The following EIF2AK4 variants were observed in gnomAD, a reference collection of about 807,000 sequenced individuals.
The protein encoded by EIF2AK4 is eukaryotic translation initiation factor 2 alpha kinase 4.
EIF2AK4 carries 139 observed loss-of-function variants against 211.1 expected under a neutral mutation model. The ratio of observed to expected loss-of-function variants is 0.66; its 90% CI spans 0.57 to 0.76. EIF2AK4 has a LOEUF of 0.76. Ranked by LOEUF, EIF2AK4 falls within the 30% of genes least tolerant of loss-of-function variation. The pLI, the probability that EIF2AK4 is intolerant of heterozygous loss-of-function variation, is 0.00. For missense variants in EIF2AK4, 1,664 were observed against 2,043.8 expected (o/e 0.81, Z 3.58); for synonymous variants, 710 against 751.3 (o/e 0.94, Z 0.90).
At chr15:40,031,654 AT>A (rs1405547079) in intron 35 of EIF2AK4, among the ~76,000 whole-genome samples, 42 of 152,296 alleles carry the variant, frequency 2.8e-4, no homozygotes, top group Middle Eastern at 3.4e-3. Context: ...AATGGTCAAG[AT>A]AAGTTATAAA....
chr15:39,936,328 G>A (rs1308783664), intron 1 of EIF2AK4, among the ~76,000 whole-genome samples: 1 of 152,184 alleles, frequency 6.6e-6, no homozygotes, highest in Non-Finnish European at 1.5e-5. Flanking sequence ...ATGGTCTCAA[G>A]GATGAATCAG....
At chr15:39,941,805 A>G (rs1283997338) in intron 2 of EIF2AK4, among the ~76,000 whole-genome samples, 1 of 152,106 alleles carries the variant, frequency 6.6e-6, no homozygotes, top group Non-Finnish European at 1.5e-5. Flanking sequence ...GGTTGTGGCA[A>G]CCAAAAAAAG....
intron 3 of EIF2AK4, among the ~76,000 whole-genome samples, chr15:39,944,848 G>A (rs550733357): frequency 2.3e-4 from 35 of 152,222 alleles, no homozygotes; most frequent in Non-Finnish European, 4.4e-4. Context: ...TAACTGGACA[G>A]ATTTTTACTT....
At chr15:39,961,926 T>A in intron 7 of EIF2AK4, 27 bp downstream of exon 7, 1 of 1,568,198 alleles carries the variant, frequency 6.4e-7, no homozygotes, top group Non-Finnish European at 8.8e-7. Flanking sequence ...AATCTATTCA[T>A]ATTATTGTAA....
At chr15:40,007,960 A>T in intron 24 of EIF2AK4, 67 bp from the exon 25 acceptor site, 1 of 1,249,168 alleles carries the variant, frequency 8.0e-7, no homozygotes, top group Non-Finnish European at 1.1e-6. Flanking sequence ...TATCTTGTTC[A>T]ACAATTTCTT....
chr15:40,001,375 G>C, intron 21 of EIF2AK4, 151 bp downstream of exon 21: 1 of 758,424 alleles, frequency 1.3e-6, no homozygotes, highest in Non-Finnish European at 2.1e-6. Context: ...GTGTGTATAT[G>C]CATTCAGGGA....
chr15:39,953,943 G>A lies in EIF2AK4; in HGVS notation c.553G>A (p.Glu185Lys). ...ILHEIQRRKE[E>K]IKEEKKRKEM... The stretch of plus-strand genomic sequence containing the variant: ...GCATGAGATTCAGAGAAGGAAAGAA[G>A]AGATAAAAGAAGAGAAAAAAAGGAA... Residue 185 changes from glutamate (E) to lysine (K), a missense_variant, in exon 5 of 39, where the codon GAG becomes AAG. By Grantham distance (56) the Glu-to-Lys change is moderately conservative. Coordinates refer to ENST00000263791, the MANE Select transcript of EIF2AK4 (RefSeq NM_001013703.4). 1 of 1,609,392 alleles carries A rather than the reference G, an allele frequency of 6.2e-7. No individual in the cohort carries two copies. The highest frequency in any genetic ancestry group is 8.5e-7 in the Non-Finnish European group (1 of 1,178,904).
intron 18 of EIF2AK4, 121 bp from the exon 19 acceptor site, chr15:39,996,843 G>A: frequency 1.5e-6 from 1 of 653,082 alleles, no homozygotes; most frequent in East Asian, 2.6e-5. Context: ...CATTTTTCCA[G>A]TGTGACCTGT....
At chr15:39,994,027 G>C (rs1329672692) in intron 18 of EIF2AK4, among the ~76,000 whole-genome samples, 1 of 152,162 alleles carries the variant, frequency 6.6e-6, no homozygotes, top group Non-Finnish European at 1.5e-5. Context: ...GTTTCTTTCT[G>C]GAACACCTGG....
intron 33 of EIF2AK4, among the ~76,000 whole-genome samples, chr15:40,027,113 T>C (rs764842927): frequency 5.3e-5 from 8 of 152,232 alleles, no homozygotes; most frequent in Admixed American, 3.9e-4. Flanking sequence ...GTAACATATT[T>C]CTATTGAAAA....
At chr15:39,945,750 G>A (rs1344381963) in intron 3 of EIF2AK4, among the ~76,000 whole-genome samples, 1 of 152,208 alleles carries the variant, frequency 6.6e-6, no homozygotes, top group African/African-American at 2.4e-5. Flanking sequence ...TGACTCGCTT[G>A]TTAGGAGCTA....
Position 39,961,816 on chromosome 15 carries a change from A to G in EIF2AK4, c.776A>G (p.Glu259Gly). The G allele has an allele frequency of 6.2e-7, 1 of 1,614,130 alleles. No individual in the cohort carries two copies. The highest frequency in any genetic ancestry group is 1.1e-5 in the South Asian group (1 of 91,088). Residue 259 changes from glutamate (E) to glycine (G), a missense_variant, in exon 7 of 39, where the codon GAA becomes GGA. By Grantham distance (98) the Glu-to-Gly change is moderately conservative. Transcript: ENST00000263791. ...RERQYSVCNSEDSPGSCEILY... is the reference protein window; with the variant it reads ...RERQYSVCNSGDSPGSCEILY... ...CGTCAGTATTCTGTATGTAATAGTG[A>G]AGATTCTCCTGGCTCTTGTGAAATT...
At position 39,949,026 on chromosome 15, in the gene EIF2AK4, C is replaced by T. The variant is rs911262043; in HGVS notation, c.361-90C>T. ...ATGGCATTCTAAGTGGGCCTCTGAC[C>T]GCCAGTTTGCTTTCCTGTTCTGTAG... On this transcript the variant is annotated intron_variant, in intron 3 of 38. Transcript: ENST00000263791. 85 of 1,490,084 alleles carry T rather than the reference C, an allele frequency of 5.7e-5. 1 individual carries two copies. Among genetic ancestry groups the T allele is most frequent in the Middle Eastern group, 3.5e-4 (2 of 5,680 alleles). 92.3% of individuals were successfully genotyped at this position (1,490,084 alleles called of 1,614,324 possible).
chr15:40,034,380 C>A lies in EIF2AK4; in HGVS notation c.4828C>A (p.Leu1610Met). 1 of 1,614,064 alleles carries A rather than the reference C, an allele frequency of 6.2e-7. No individual in the cohort carries two copies. The highest frequency in any genetic ancestry group is 1.1e-5 in the South Asian group (1 of 91,060). ...NTTVKQLLSR[L>M]PKQRYLKLVC... ...AACTGTGAAGCAGCTGCTGTCACGC[C>A]TGCCAAAGCAAAGATACCTCAAATT... The change falls in exon 38 of 39, where the codon CTG becomes ATG. Residue 1610 changes from leucine to methionine, a missense_variant. Leu to Met is a conservative substitution (Grantham distance 15). Coordinates refer to ENST00000263791, the MANE Select transcript of EIF2AK4 (RefSeq NM_001013703.4).
At position 40,011,361 on chromosome 15, in the gene EIF2AK4, A is replaced by G. The variant is rs1485801144; in HGVS notation, c.3759+15A>G. The G allele has an allele frequency of 2.5e-6, 4 of 1,596,616 alleles. No individual in the cohort carries two copies. In the Admixed American group the frequency reaches 6.8e-5, roughly 27 times the overall value. On this transcript the variant is annotated intron_variant, in intron 27 of 38. Transcript: ENST00000263791. ...CTTCTAATAGTGTAAGTACCTTCTA[A>G]TGGTATTATTACAGCTTTCTCTGTA... is the stretch of plus-strand genomic sequence containing the variant.
At chr15:40,032,627 G>A (rs140393199) in intron 36 of EIF2AK4, 130 bp from the exon 37 acceptor site, 53 of 762,928 alleles carry the variant, frequency 6.9e-5, no homozygotes, top group Non-Finnish European at 1.1e-4. Context: ...AGTTCATTAA[G>A]CCCTTTTACA....
At chr15:39,964,984 T>C (rs1245388925) in intron 7 of EIF2AK4, among the ~76,000 whole-genome samples, 1 of 152,254 alleles carries the variant, frequency 6.6e-6, no homozygotes, top group South Asian at 2.1e-4. Context: ...TCTCGATGGC[T>C]TGTTCTCTAT....
At chr15:40,003,442 G>A in intron 23 of EIF2AK4, 128 bp downstream of exon 23, 1 of 1,404,562 alleles carries the variant, frequency 7.1e-7, no homozygotes, top group Non-Finnish European at 9.5e-7. Flanking sequence ...TATTCTTGAG[G>A]AAGTTGTCAG....
At chr15:40,032,650 C>T in intron 36 of EIF2AK4, 107 bp from the exon 37 acceptor site, 1 of 995,246 alleles carries the variant, frequency 1.0e-6, no homozygotes, top group Non-Finnish European at 1.5e-6. Context: ...ACAATAGCAT[C>T]TCAGACTCTG....
Sources: allele counts gnomAD v4.1 joint callset (sites outside exome capture counted in the v4.1 genomes callset), GRCh38; gene constraint gnomAD v4.1.1; transcripts MANE v1.5; gene names NCBI Gene and HGNC (gene_info 2026-07-23, HGNC 2026-07-21).